The following INF2 variants were observed in gnomAD, a reference collection of about 807,000 sequenced individuals.
INF2 encodes the protein inverted formin 2.
In INF2, 43 loss-of-function variants were observed where a neutral mutation model predicts 123.5. That is an observed-to-expected ratio of 0.35 (90% CI 0.27 to 0.45). The LOEUF is 0.45. Ranked by LOEUF, INF2 falls within the 20% of genes least tolerant of loss-of-function variation. The pLI is 1.00. For missense variants in INF2, 1,453 were observed against 1,682.7 expected (o/e 0.86, Z 2.39); for synonymous variants, 851 against 745.0 (o/e 1.14, Z -2.32).
rs779017318 is a variant in INF2 at position 104,714,835 on chromosome 14, C to G, written c.3673C>G (p.Arg1225Gly). The change falls in exon 21 of 23, where the codon CGT (arginine) becomes GGT (glycine). Residue 1225 changes from arginine to glycine, a missense_variant. Physicochemically the swap from Arg to Gly is moderately radical, Grantham distance 125. Coordinates refer to ENST00000392634, the MANE Select transcript of INF2 (RefSeq NM_022489.4). The stretch of plus-strand genomic sequence containing the variant: ...GGGGACCGGGAAGCGAAGGAAGAAG[C>G]GTCCCTCCAGGAGCCAGGAAGGTAA... ...SKGTGKRRKK[R>G]PSRSQEEVPP... is the part of the protein sequence containing the mutation. 24 of 1,588,300 alleles carry G rather than the reference C, an allele frequency of 1.5e-5. No individual in the cohort carries two copies. Among genetic ancestry groups the G allele is most frequent in the African/African-American group, 4.1e-5 (3 of 73,942 alleles).
Position 104,701,627 on chromosome 14 carries a change from G to C in INF2, c.262G>C (p.Gly88Arg), listed in dbSNP as rs766891612. 1.2e-6 allele frequency: 2 copies of C among 1,601,632 alleles called. No homozygotes were observed. The highest frequency in any genetic ancestry group is 1.7e-6 in the Non-Finnish European group (2 of 1,176,946). ...LEALARLSGR[G>R]VARISDALLQ... ...GGCGCTGGCGCGGCTGTCGGGCCGC[G>C]GCGTTGCACGTATCTCCGACGCCCT... The change falls in exon 2 of 23, where the codon GGC becomes CGC. Residue 88 changes from glycine (G) to arginine (R), a missense_variant. This residue lies in a region of INF2 where 251 missense variants were observed against 349.4 expected (regional missense o/e 0.72). Transcript: ENST00000392634.
chr14:104,715,483 G>T, intron 22 of INF2, 143 bp downstream of exon 22: 3 of 809,496 alleles, frequency 3.7e-6, no homozygotes, highest in Non-Finnish European at 6.3e-6. Context: ...TGCCGCTCCC[G>T]CAGCCCTGGT....
At position 104,714,701 on chromosome 14, in the gene INF2, C is replaced by T. The variant is rs370913466; in HGVS notation, c.3539C>T (p.Ala1180Val). The T allele has an allele frequency of 6.2e-7, 1 of 1,610,246 alleles. No individual in the cohort carries two copies. The highest frequency in any genetic ancestry group is 2.2e-5 in the East Asian group (1 of 44,854). The stretch of plus-strand genomic sequence containing the variant: ...GAGGACGAGGACGAGGAGGACACGG[C>T]CCCAGAGTCCGCACTGGACACATCC... ...GDEDEDEEDT[A>V]PESALDTSLD... Residue 1180 changes from alanine (A) to valine (V), a missense_variant, in exon 21 of 23, where the codon GCC becomes GTC. Around this residue, in one of 8 missense-constraint regions of INF2, gnomAD observed 344 missense variants for 333.1 expected, o/e 1.03. Coordinates refer to ENST00000392634, the MANE Select transcript of INF2 (RefSeq NM_022489.4).
rs1225532656 is a variant in INF2, at chr14:104,721,398, GCGT to G, written c.*2610_*2612del. ...CGTGTGGATGCTGCTGTGGACGTCT[GCGT>G]CGTCCTCGTGTGGATGCTGCTGTGG... On this transcript the variant is annotated 3_prime_UTR_variant, in exon 23 of 23. Coordinates refer to ENST00000392634, the MANE Select transcript of INF2 (RefSeq NM_022489.4). 1 of 159,482 alleles carries G rather than the reference GCGT, an allele frequency of 6.3e-6. No individual in the cohort carries two copies. The highest frequency in any genetic ancestry group is 1.4e-5 in the Non-Finnish European group (1 of 72,742). The allele number at this position is 159,482 out of a possible 1,614,324, so 9.9% of individuals were successfully genotyped here. A position where few individuals can be genotyped will look rare whatever the true frequency, so the allele number is the denominator to read the frequency against.
chr14:104,710,006 G>C (rs1359622502), intron 12 of INF2, 82 bp from the exon 13 acceptor site: 168 of 1,241,214 alleles, frequency 1.4e-4, no homozygotes, highest in Non-Finnish European at 1.8e-4. Context: ...CACCACCCAA[G>C]CCAGAGCCCT....
chr14:104,711,213 G>T, intron 15 of INF2, 27 bp downstream of exon 15: 1 of 1,530,558 alleles, frequency 6.5e-7, no homozygotes, highest in Non-Finnish European at 8.8e-7. Context: ...GGGGCATAAT[G>T]GGAGGGCTTC....
At chr14:104,686,805 G>C (rs1888675384), upstream of INF2, among the ~76,000 whole-genome samples, 1 of 152,188 alleles carries the variant, frequency 6.6e-6, no homozygotes. Context: ...ACATCAGGCT[G>C]GGAGGATTTC....
intron 13 of INF2, 120 bp from the exon 14 acceptor site, chr14:104,710,817 C>A: frequency 1.2e-6 from 1 of 837,364 alleles, no homozygotes; most frequent in Non-Finnish European, 1.9e-6. Context: ...CGGTGCTGGG[C>A]TGAGCCTGGG....
At chr14:104,690,575 G>C (rs1175934647) in intron 1 of INF2, 4 of 152,756 alleles carry the variant, frequency 2.6e-5, no homozygotes, top group Admixed American at 2.6e-4. Context: ...CAGAGACCCT[G>C]CCCAGGCAGG....
At chr14:104,714,937 A>G (rs1308203091) in intron 21 of INF2, 81 bp downstream of exon 21, 11 of 1,385,942 alleles carry the variant, frequency 7.9e-6, no homozygotes, top group African/African-American at 1.5e-5. Context: ...CCCATTGGGC[A>G]CTGCAAGTTC....
intron 22 of INF2, chr14:104,715,860 G>A (rs758164890): frequency 4.6e-5 from 21 of 457,930 alleles, no homozygotes; most frequent in Non-Finnish European, 7.4e-5. Context: ...CGGGACAGTC[G>A]CAAGGGCAGA....
chr14:104,690,224 C>T (rs1888875692), intron 1 of INF2: 3 of 152,274 alleles, frequency 2.0e-5, no homozygotes, highest in Admixed American at 2.0e-4. Flanking sequence ...GAGCCCTTCC[C>T]ACCCCGCAAC....
chr14:104,703,890 C>T, intron 4 of INF2, 26 bp from the exon 5 acceptor site: 1 of 1,610,918 alleles, frequency 6.2e-7, no homozygotes, highest in Non-Finnish European at 8.5e-7. Flanking sequence ...CCTCCGAACC[C>T]TCTGACCCTG....
At chr14:104,683,272 A>G (rs932846837) in intron 1 of INF2, among the ~76,000 whole-genome samples, 5 of 151,924 alleles carry the variant, frequency 3.3e-5, no homozygotes, top group Non-Finnish European at 7.4e-5. Context: ...CTTCCTGGTG[A>G]CCCTTCCAGA....
chr14:104,692,474 C>T (rs1035673459), intron 1 of INF2, among the ~76,000 whole-genome samples: 1 of 152,124 alleles, frequency 6.6e-6, no homozygotes, highest in Non-Finnish European at 1.5e-5. Flanking sequence ...GAGGCCGAGG[C>T]CCCCCAGCCC....
chr14:104,708,131 C>A, intron 8 of INF2, 129 bp downstream of exon 8: 1 of 1,446,940 alleles, frequency 6.9e-7, no homozygotes, highest in Non-Finnish European at 9.4e-7. Flanking sequence ...GCAGCCTGGC[C>A]CTTGCTCTGG....
chr14:104,711,711 C>A lies in INF2; in HGVS notation c.2489+12C>A, dbSNP rs1339466984. On this transcript the variant is annotated intron_variant, in intron 16 of 22. Coordinates refer to ENST00000392634, the MANE Select transcript of INF2 (RefSeq NM_022489.4). ...TCGCAAGCAGCAGGGTAGGTAGCTCCTGCCAGCCCGCCCACCTCAGCCAGG... is the reference window on the plus strand; with the variant it reads ...TCGCAAGCAGCAGGGTAGGTAGCTCATGCCAGCCCGCCCACCTCAGCCAGG... The A allele has an allele frequency of 3.7e-6, 6 of 1,611,236 alleles. 1 individual carries two copies. In the South Asian group the frequency reaches 5.5e-5, roughly 15 times the overall value.
In INF2 at chr14:104,699,500, C is replaced by T. The variant is rs895248802; in HGVS notation, c.-9-1857C>T. The T allele has an allele frequency of 2.0e-6, 2 of 985,192 alleles. No individual in the cohort carries two copies. The highest frequency in any genetic ancestry group is 2.4e-6 in the Non-Finnish European group (2 of 829,912). The allele number at this position is 985,192 out of a possible 1,614,324, so 61.0% of individuals were successfully genotyped here. ...GACCCGGCTGTCTCTGGCAGCTCAG[C>T]GGTCAGCAGCGATGAGAAGCCAGGG... On this transcript the variant is annotated intron_variant, in intron 1 of 22. Coordinates refer to ENST00000392634, the MANE Select transcript of INF2 (RefSeq NM_022489.4). This position sits in a 1 kb window ranked among gnomAD's most constrained non-coding sequence, Gnocchi z 4.7.
chr14:104,704,169 C>T, intron 5 of INF2: 1 of 1,441,214 alleles, frequency 6.9e-7, no homozygotes, highest in Non-Finnish European at 9.1e-7. Flanking sequence ...AGGGTTGCAG[C>T]AGCCATAGAA....
Sources: allele counts gnomAD v4.1 joint callset (sites outside exome capture counted in the v4.1 genomes callset), GRCh38; gene constraint gnomAD v4.1.1; regional missense constraint gnomAD v4.1.1; non-coding constraint Gnocchi (gnomAD v3.1); transcripts MANE v1.5; gene names NCBI Gene and HGNC (gene_info 2026-07-23, HGNC 2026-07-21).